The following GYS2 variants were observed in gnomAD, a reference collection of about 807,000 sequenced individuals.
GYS2 encodes the protein glycogen [starch] synthase, liver.
GYS2 carries 80 observed loss-of-function variants against 85.6 expected under a neutral mutation model. That is an observed-to-expected ratio of 0.93 (90% confidence interval 0.78 to 1.13). The LOEUF (loss-of-function observed/expected upper bound fraction) is 1.13, where lower values mean the gene tolerates loss of function less well. GYS2 is among the 50% of genes most tolerant of loss of function. The pLI, the probability that GYS2 is intolerant of heterozygous loss-of-function variation, is 0.00. For synonymous variants in GYS2, 328 were observed against 300.7 expected, an observed-to-expected ratio of 1.09 and a Z score of -0.94; for missense variants, 881 against 854.9, an observed-to-expected ratio of 1.03 and a Z score of -0.38.
At chr12:21,537,555 A>T (rs1232242955) in intron 15 of GYS2, among the ~76,000 whole-genome samples, 1 of 152,008 alleles carries the variant, frequency 6.6e-6, no homozygotes, top group Non-Finnish European at 1.5e-5. Context: ...GTCTGTGATG[A>T]CTCCAGAAAC....
At chr12:21,567,399 G>T (rs770840204) in intron 5 of GYS2, among the ~76,000 whole-genome samples, 1 of 151,916 alleles carries the variant, frequency 6.6e-6, no homozygotes, top group Non-Finnish European at 1.5e-5. Flanking sequence ...GCATATTGAT[G>T]GAATAAACTC....
intron 11 of GYS2, among the ~76,000 whole-genome samples, chr12:21,549,098 C>A (rs544267219): frequency 2.7e-3 from 416 of 152,158 alleles, no homozygotes; most frequent in Non-Finnish European, 4.8e-3. Context: ...GTGAGTGGCA[C>A]AAAATATTAC....
At chr12:21,563,405 GA>G (rs1944279637) in intron 5 of GYS2, 60 bp from the exon 6 acceptor site, 3 of 861,246 alleles carry the variant, frequency 3.5e-6, no homozygotes, top group African/African-American at 1.7e-5. Context: ...TACCATTGTA[GA>G]AAAAAGTATC....
chr12:21,536,246 G>A lies in GYS2; in HGVS notation c.*708C>T, dbSNP rs1308763262. ...TTGGATTTTACAAGTTATCATCTAT[G>A]AAGATTGACCAAATTTTAAAAAGGC... is the stretch of plus-strand genomic sequence containing the variant. On this transcript the variant is annotated 3_prime_UTR_variant, in exon 16 of 16. Coordinates refer to ENST00000261195, the MANE Select transcript of GYS2 (RefSeq NM_021957.4). 6.6e-6 allele frequency: 1 copy of A among 152,172 alleles called. No individual in the cohort carries two copies. The highest frequency in any genetic ancestry group is 1.5e-5 in the Non-Finnish European group (1 of 68,040). 9.4% of individuals were successfully genotyped at this position (152,172 alleles called of 1,614,324 possible). A position where few individuals can be genotyped will look rare whatever the true frequency, so the allele number is the denominator to read the frequency against.
At chr12:21,558,413 C>G (rs958724744) in intron 10 of GYS2, 100 bp from the exon 11 acceptor site, 8 of 752,770 alleles carry the variant, frequency 1.1e-5, no homozygotes, top group Admixed American at 4.0e-5. Context: ...ACCTTCACAC[C>G]TTCAGTCTTT....
At chr12:21,557,654 C>T (rs898879390) in intron 11 of GYS2, among the ~76,000 whole-genome samples, 1 of 152,180 alleles carries the variant, frequency 6.6e-6, no homozygotes, top group Non-Finnish European at 1.5e-5. Context: ...AATCCCAGCA[C>T]TTTGGGAGGC....
intron 1 of GYS2, among the ~76,000 whole-genome samples, chr12:21,597,951 C>T (rs1944714467): frequency 6.6e-6 from 1 of 151,928 alleles, no homozygotes; most frequent in African/African-American, 2.4e-5. Context: ...CATAGAAAGA[C>T]AAATTTTGCA....
At chr12:21,557,848 G>T (rs955447559) in intron 11 of GYS2, among the ~76,000 whole-genome samples, 1 of 151,988 alleles carries the variant, frequency 6.6e-6, no homozygotes, top group Admixed American at 6.5e-5. Flanking sequence ...GCAGTGAGCC[G>T]AGATAGCGCC....
Position 21,580,580 on chromosome 12 carries a change from A to T in GYS2, c.122-57T>A. The stretch of plus-strand genomic sequence containing the variant: ...TCAGGTTAGCAATTTGTTTAAAGTA[A>T]TAAGGGATGGAAATGAGTTCAGATT... On this transcript the variant is annotated intron_variant, in intron 1 of 15. Transcript: ENST00000261195. 2.3e-6 allele frequency: 3 copies of T among 1,276,596 alleles called. No individual in the cohort carries two copies. In the South Asian group the frequency reaches 3.6e-5, roughly 15 times the overall value. The allele number at this position is 1,276,596 out of a possible 1,614,324, so 79.1% of individuals were successfully genotyped here. A position where few individuals can be genotyped will look rare whatever the true frequency, so the allele number is the denominator to read the frequency against.
chr12:21,591,543 G>T (rs772947914), intron 1 of GYS2, among the ~76,000 whole-genome samples: 178 of 152,278 alleles, frequency 1.2e-3, no homozygotes, highest in Non-Finnish European at 2.3e-3. Flanking sequence ...AGAAGGTAAA[G>T]AGAACATGAA....
intron 4 of GYS2, among the ~76,000 whole-genome samples, chr12:21,573,893 C>T (rs772158799): frequency 6.6e-5 from 10 of 152,206 alleles, no homozygotes; most frequent in Non-Finnish European, 1.5e-4. Flanking sequence ...TACCATATCC[C>T]TCTGGAACTA....
In GYS2 at chr12:21,569,080, C is replaced by T. The variant is rs3816655; in HGVS notation, c.679-71G>A. 0.024 allele frequency: 36,238 copies of T among 1,510,204 alleles called. 1,289 individuals are homozygous for T. Among genetic ancestry groups the T allele is most frequent in the East Asian group, 0.17 (7,545 of 44,180 alleles). 93.6% of individuals were successfully genotyped at this position (1,510,204 alleles called of 1,614,324 possible). A position where few individuals can be genotyped will look rare whatever the true frequency, so the allele number is the denominator to read the frequency against. On this transcript the variant is annotated intron_variant, in intron 4 of 15. Coordinates refer to ENST00000261195, the MANE Select transcript of GYS2 (RefSeq NM_021957.4). Reference sequence around the variant, plus strand: ...TCTACACAAGCTAAACAAAATCACACATTTCACCAAGTGGCTTACCTCAAG... The same window carrying T: ...TCTACACAAGCTAAACAAAATCACATATTTCACCAAGTGGCTTACCTCAAG...
At position 21,546,301 on chromosome 12, in the gene GYS2, T is replaced by C. The variant is rs780904568; in HGVS notation, c.1549+43A>G. On this transcript the variant is annotated intron_variant, in intron 12 of 15. Transcript: ENST00000261195. ...TATATATGCACATAAAATAATATACTAACAAAATTCAAAACATTCCACACT... is the reference window on the plus strand; with the variant it reads ...TATATATGCACATAAAATAATATACCAACAAAATTCAAAACATTCCACACT... 2.1e-6 allele frequency: 3 copies of C among 1,399,226 alleles called. No individual in the cohort carries two copies. In the Admixed American group the frequency reaches 5.2e-5, roughly 24 times the overall value. 86.7% of individuals were successfully genotyped at this position (1,399,226 alleles called of 1,614,324 possible). A position where few individuals can be genotyped will look rare whatever the true frequency, so the allele number is the denominator to read the frequency against.
intron 1 of GYS2, among the ~76,000 whole-genome samples, chr12:21,591,995 T>A (rs998947767): frequency 2.7e-5 from 4 of 150,830 alleles, no homozygotes; most frequent in African/African-American, 4.9e-5. Context: ...TTTAAGGGAG[T>A]CCTACACATG....
chr12:21,562,769 T>C, intron 7 of GYS2, 149 bp downstream of exon 7: 2 of 703,878 alleles, frequency 2.8e-6, no homozygotes, highest in Admixed American at 2.2e-5. Flanking sequence ...GTAACTCCAA[T>C]ATGTAAATTG....
At chr12:21,590,767 G>T (rs1351993711) in intron 1 of GYS2, among the ~76,000 whole-genome samples, 1 of 152,160 alleles carries the variant, frequency 6.6e-6, no homozygotes, top group East Asian at 1.9e-4. Flanking sequence ...CACCACTGGG[G>T]CCAAGGACTG....
chr12:21,570,094 A>G (rs1944368561), intron 4 of GYS2, among the ~76,000 whole-genome samples: 1 of 152,210 alleles, frequency 6.6e-6, no homozygotes, highest in Non-Finnish European at 1.5e-5. Flanking sequence ...AATACTAAAA[A>G]GAGACCCATT....
chr12:21,554,114 A>G (rs1469367620), intron 11 of GYS2, among the ~76,000 whole-genome samples: 1 of 152,002 alleles, frequency 6.6e-6, no homozygotes, highest in Non-Finnish European at 1.5e-5. Flanking sequence ...CTAGGAAGGA[A>G]AGAAGAATGG....
intron 12 of GYS2, among the ~76,000 whole-genome samples, chr12:21,544,400 T>G (rs917100606): frequency 1.6e-4 from 24 of 152,220 alleles, no homozygotes; most frequent in African/African-American, 5.8e-4. Context: ...TAAGTTTAAC[T>G]TTGCCCTATA....
Sources: gnomAD v4.1 joint callset for allele counts (sites outside exome capture counted in the v4.1 genomes callset) on GRCh38, gnomAD v4.1.1 for gene constraint, MANE v1.5 for transcripts, NCBI Gene and HGNC (gene_info 2026-07-23, HGNC 2026-07-21) for gene names.